VAC14: variants seen among roughly 807,000 people sequenced by gnomAD.
VAC14 encodes protein VAC14 homolog.
In VAC14, 47 loss-of-function variants were observed where a neutral mutation model predicts 85.3. The observed-to-expected ratio is 0.55, with a 90% CI of 0.44 to 0.70. The LOEUF (loss-of-function observed/expected upper bound fraction) is 0.70, where lower values mean the gene tolerates loss of function less well. Ranked by LOEUF, VAC14 falls within the 30% of genes least tolerant of loss-of-function variation. The pLI, the probability that VAC14 is intolerant of heterozygous loss-of-function variation, is 0.00. For missense variants in VAC14, 861 were observed against 1,004.3 expected, an observed-to-expected ratio of 0.86 and a Z score of 1.93; for synonymous variants, 447 against 430.5, an observed-to-expected ratio of 1.04 and a Z score of -0.47.
At chr16:70,723,310 G>A (rs551458255) in intron 14 of VAC14, among the ~76,000 whole-genome samples, 1 of 152,140 alleles carries the variant, frequency 6.6e-6, no homozygotes, top group Admixed American at 6.5e-5. Context: ...AGGCATGGTG[G>A]TGTGTGCCTA....
rs546425752 is a variant in VAC14, at chr16:70,784,920, C to T, written c.424-82G>A. 5.0e-4 allele frequency: 607 copies of T among 1,225,324 alleles called. 6 individuals carry two copies. Among genetic ancestry groups the T allele is most frequent in the Non-Finnish European group, 4.5e-5 (37 of 825,700 alleles). The allele number at this position is 1,225,324 out of a possible 1,614,324, so 75.9% of individuals were successfully genotyped here. On this transcript the variant is annotated intron_variant, in intron 3 of 18. Coordinates refer to ENST00000261776, the MANE Select transcript of VAC14 (RefSeq NM_018052.5). ...AGACCAGGGATTTCCTGCAAATCCG[C>T]AGCCGAGGCCTTGGTGCAGCCCAGA...
chr16:70,738,681 G>A (rs566912611), intron 13 of VAC14, among the ~76,000 whole-genome samples: 44 of 152,296 alleles, frequency 2.9e-4, no homozygotes, highest in African/African-American at 7.2e-4. Context: ...CAGCAGTGCC[G>A]GGGGCCTCAG....
At chr16:70,759,955 T>C (rs529137560) in intron 12 of VAC14, among the ~76,000 whole-genome samples, 1 of 152,248 alleles carries the variant, frequency 6.6e-6, no homozygotes, top group Admixed American at 6.5e-5. Flanking sequence ...GCCATAGTTT[T>C]TAGAAATGCA....
At chr16:70,749,017 A>G (rs142042360) in intron 12 of VAC14, among the ~76,000 whole-genome samples, 2 of 152,384 alleles carry the variant, frequency 1.3e-5, no homozygotes, top group Non-Finnish European at 2.9e-5. Flanking sequence ...TTCATTTTGC[A>G]GAGGATGGGA....
intron 13 of VAC14, among the ~76,000 whole-genome samples, chr16:70,743,097 C>T (rs1486823435): frequency 6.6e-6 from 1 of 151,244 alleles, no homozygotes; most frequent in Non-Finnish European, 1.5e-5. Context: ...TGTAAAAACG[C>T]ACCAATCAGG....
At chr16:70,754,068 T>C (rs533083657) in intron 12 of VAC14, among the ~76,000 whole-genome samples, 5 of 152,298 alleles carry the variant, frequency 3.3e-5, no homozygotes, top group East Asian at 1.9e-4. Flanking sequence ...TGCCCAGCTC[T>C]GGGTCCTCAC....
intron 18 of VAC14, 145 bp downstream of exon 18, chr16:70,692,676 G>A (rs935946824): frequency 9.0e-7 from 1 of 1,105,424 alleles, no homozygotes; most frequent in East Asian, 2.6e-5. Flanking sequence ...GGCTGCGGGG[G>A]GGATGGTGGT....
rs756036445 is a variant in VAC14, at chr16:70,734,311, T to C, written c.1529-2684A>G. 9.3e-4 allele frequency among the ~76,000 whole-genome samples: 142 copies of C among 152,158 alleles called. 2 individuals carry two copies. The highest frequency in any genetic ancestry group is 1.5e-3 in the Non-Finnish European group (103 of 68,006). On this transcript the variant is annotated intron_variant, in intron 13 of 18. Coordinates refer to ENST00000261776, the MANE Select transcript of VAC14 (RefSeq NM_018052.5). ...GTGCCATCACACCCAGCTAAATTTT[T>C]TCTTTGAGATGGGGTCTCCCTATGT...
At position 70,800,794 on chromosome 16, in the gene VAC14, T is replaced by A; in HGVS notation, c.104+3A>T. The A allele has an allele frequency of 6.2e-7, 1 of 1,609,782 alleles. No homozygotes were observed. The highest frequency in any genetic ancestry group is 8.5e-7 in the Non-Finnish European group (1 of 1,178,058). Reference sequence around the variant, plus strand: ...GCCAGGGAGGGGTCCTGGCGGCTCTTACTTCTCGATCTCCAGCGCTGCCAC... The same window carrying A: ...GCCAGGGAGGGGTCCTGGCGGCTCTAACTTCTCGATCTCCAGCGCTGCCAC... On this transcript the variant is annotated splice_donor_region_variant and intron_variant, in intron 1 of 18. Coordinates refer to ENST00000261776, the MANE Select transcript of VAC14 (RefSeq NM_018052.5).
intron 1 of VAC14, among the ~76,000 whole-genome samples, chr16:70,790,734 C>A (rs563375462): frequency 1.3e-5 from 2 of 152,138 alleles, no homozygotes; most frequent in Admixed American, 6.5e-5. Flanking sequence ...AGGCCTCCCC[C>A]ACCAGAGTCC....
intron 13 of VAC14, among the ~76,000 whole-genome samples, chr16:70,739,112 G>C (rs946962270): frequency 1.3e-5 from 2 of 152,214 alleles, no homozygotes; most frequent in Admixed American, 6.5e-5. Context: ...CCTAGCCCTT[G>C]CCATGTGGGA....
At chr16:70,695,384 T>C (rs929851856) in intron 17 of VAC14, among the ~76,000 whole-genome samples, 160 bp downstream of exon 17, 1 of 152,130 alleles carries the variant, frequency 6.6e-6, no homozygotes, top group African/African-American at 2.4e-5. Flanking sequence ...AGTGCTGGGA[T>C]TATAAGTCTC....
intron 13 of VAC14, among the ~76,000 whole-genome samples, chr16:70,742,367 TTC>T (rs1296416531): frequency 6.6e-6 from 1 of 152,140 alleles, no homozygotes; most frequent in African/African-American, 2.4e-5. Flanking sequence ...AGATATCCTT[TTC>T]TCTCTTCCTT....
chr16:70,706,977 A>C (rs2053932643), intron 14 of VAC14, among the ~76,000 whole-genome samples: 1 of 152,198 alleles, frequency 6.6e-6, no homozygotes, highest in Non-Finnish European at 1.5e-5. Context: ...CTCCCACCGG[A>C]AAAGGGCCTC....
chr16:70,754,996 GACCATCCAGTCCAACCCCAGTACCCT>G, intron 12 of VAC14: 1 of 162,038 alleles, frequency 6.2e-6, no homozygotes, highest in African/African-American at 2.4e-5. Context: ...AGGGATCTCA[GACCATCCAGTCCAACCCCAGTACCCT>G]GGGAAGAAAA....
At chr16:70,771,907 T>C (rs571145377) in intron 10 of VAC14, 4 of 570,370 alleles carry the variant, frequency 7.0e-6, no homozygotes, top group Non-Finnish European at 1.3e-5. Context: ...CCGCCCTATC[T>C]ATCCATCAAG....
intron 9 of VAC14, among the ~76,000 whole-genome samples, chr16:70,773,806 C>T (rs2033373475): frequency 6.6e-6 from 1 of 151,856 alleles, no homozygotes; most frequent in Non-Finnish European, 1.5e-5. Context: ...GCTCTGTTGC[C>T]CAGGCTGGAG....
chr16:70,723,373 T>C (rs907393211), intron 14 of VAC14, among the ~76,000 whole-genome samples: 3 of 151,892 alleles, frequency 2.0e-5, no homozygotes, highest in Admixed American at 1.3e-4. Flanking sequence ...AGGTGAGCCG[T>C]GATTGTGCCA....
chr16:70,758,652 C>T (rs2032067529), intron 12 of VAC14, among the ~76,000 whole-genome samples: 1 of 152,178 alleles, frequency 6.6e-6, no homozygotes, highest in Non-Finnish European at 1.5e-5. Context: ...ATGGCGGCTG[C>T]CCAGCTGCCA....
Sources: allele counts gnomAD v4.1 joint callset (sites outside exome capture counted in the v4.1 genomes callset), GRCh38; gene constraint gnomAD v4.1.1; transcripts MANE v1.5; gene names NCBI Gene and HGNC (gene_info 2026-07-23, HGNC 2026-07-21).